Variants in CMTM8 observed in about 807,000 individuals in gnomAD.
CMTM8 encodes CKLF like MARVEL transmembrane domain containing 8, also known as CKLF-like MARVEL transmembrane domain-containing protein 8.
Under a neutral mutation model 18.6 loss-of-function variants are expected in CMTM8, and 12 were observed. The ratio of observed to expected loss-of-function variants is 0.65; its 90% CI spans 0.41 to 1.05. CMTM8 has a LOEUF of 1.05. Among genes scored for constraint, CMTM8 ranks in the 50% least tolerant of loss-of-function variants. CMTM8 has a pLI of 0.00. For missense variants in CMTM8, 217 were observed against 227.2 expected, an observed-to-expected ratio of 0.95 and a Z score of 0.29; for synonymous variants, 87 against 90.6, an observed-to-expected ratio of 0.96 and a Z score of 0.23.
intron 1 of CMTM8, among the ~76,000 whole-genome samples, chr3:32,252,945 T>C (rs1249794306): frequency 4.6e-5 from 7 of 152,318 alleles, no homozygotes; most frequent in African/African-American, 1.7e-4. Context: ...AAGTTAACTG[T>C]GTACCCTTTT....
chr3:32,337,850 C>G (rs1696416109), intron 1 of CMTM8, among the ~76,000 whole-genome samples: 1 of 152,130 alleles, frequency 6.6e-6, no homozygotes, highest in African/African-American at 2.4e-5. Flanking sequence ...CCAAGTCCAG[C>G]CAGAACACAG....
At chr3:32,347,486 C>T (rs1439387358) in intron 1 of CMTM8, among the ~76,000 whole-genome samples, 1 of 143,278 alleles carries the variant, frequency 7.0e-6, no homozygotes, top group East Asian at 2.1e-4. Context: ...TAGGTCCAGC[C>T]GGGCAGGGCT....
At chr3:32,348,579 G>T (rs79164496) in intron 1 of CMTM8, among the ~76,000 whole-genome samples, 11,126 of 128,196 alleles carry the variant, frequency 0.087, 536 homozygotes, top group East Asian at 0.21. Flanking sequence ...GCTCACTACA[G>T]CCTTGACCTC....
intron 1 of CMTM8, among the ~76,000 whole-genome samples, chr3:32,249,412 AAAGT>A (rs2125530302): frequency 6.6e-6 from 1 of 151,604 alleles, no homozygotes; most frequent in East Asian, 1.9e-4. Flanking sequence ...CCTGGGTGAC[AAAGT>A]AAGATCCTAC....
chr3:32,314,014 C>G (rs935976872), intron 1 of CMTM8, among the ~76,000 whole-genome samples: 10 of 152,082 alleles, frequency 6.6e-5, no homozygotes, highest in African/African-American at 2.4e-4. Context: ...ATCTGGATGC[C>G]AGTACTCTCT....
chr3:32,248,135 G>A lies in CMTM8; in HGVS notation c.147+9016G>A, dbSNP rs562074826. ...TGATGGAGTTTATAATAGGTACTTC[G>A]TGTTCATGTTTTAATATCTGAATCA... On this transcript the variant is annotated intron_variant, in intron 1 of 3. Coordinates refer to ENST00000307526, the MANE Select transcript of CMTM8 (RefSeq NM_178868.5). 5.3e-5 allele frequency among the ~76,000 whole-genome samples: 8 copies of A among 152,208 alleles called. No homozygotes were observed. The East Asian group carries it at 5.8e-4, about 11-fold the overall frequency.
At chr3:32,256,588 C>T (rs957290036) in intron 1 of CMTM8, among the ~76,000 whole-genome samples, 2 of 152,166 alleles carry the variant, frequency 1.3e-5, no homozygotes, top group African/African-American at 4.8e-5. Flanking sequence ...GTGTTATATA[C>T]AGGAGAAATG....
chr3:32,344,664 G>A (rs561407019), intron 1 of CMTM8, among the ~76,000 whole-genome samples: 1 of 152,302 alleles, frequency 6.6e-6, no homozygotes, highest in South Asian at 2.1e-4. Flanking sequence ...GAAGGCTGAG[G>A]CAGTAGGATC....
chr3:32,333,777 T>C (rs760257976), intron 1 of CMTM8, among the ~76,000 whole-genome samples: 3 of 152,116 alleles, frequency 2.0e-5, no homozygotes, highest in Non-Finnish European at 4.4e-5. Flanking sequence ...GTGCTGGCTC[T>C]GATGATGGAT....
chr3:32,357,658 C>T (rs1696842839), intron 2 of CMTM8, 112 bp downstream of exon 2: 1 of 1,054,314 alleles, frequency 9.5e-7, no homozygotes, highest in Non-Finnish European at 1.4e-6. Context: ...GGGGCCATAC[C>T]ATGGAGAACT....
intron 1 of CMTM8, among the ~76,000 whole-genome samples, chr3:32,339,656 A>T (rs1005674219): frequency 6.6e-6 from 1 of 152,138 alleles, no homozygotes; most frequent in Non-Finnish European, 1.5e-5. Context: ...TATTAAACAT[A>T]CTTCAGTAAG....
At chr3:32,303,834 T>A (rs1018012525) in intron 1 of CMTM8, among the ~76,000 whole-genome samples, 3 of 152,230 alleles carry the variant, frequency 2.0e-5, no homozygotes, top group African/African-American at 7.2e-5. Flanking sequence ...CTGACATTTA[T>A]TCCCTAGGTA....
intron 1 of CMTM8, among the ~76,000 whole-genome samples, chr3:32,263,612 C>T (rs1559364570): frequency 1.3e-5 from 2 of 152,130 alleles, no homozygotes; most frequent in East Asian, 1.9e-4. Flanking sequence ...ATGGCTTTGA[C>T]GAGTTGAGAG....
intron 1 of CMTM8, among the ~76,000 whole-genome samples, chr3:32,326,608 C>T (rs1469307553): frequency 6.6e-6 from 1 of 150,720 alleles, no homozygotes; most frequent in East Asian, 1.9e-4. Context: ...CCTCTGCCTT[C>T]CAGGTTCAGA....
chr3:32,301,837 C>T (rs1468745931), intron 1 of CMTM8, among the ~76,000 whole-genome samples: 5 of 152,150 alleles, frequency 3.3e-5, no homozygotes, highest in South Asian at 4.2e-4. Flanking sequence ...GTTTCCATTT[C>T]GAGTCTGGCT....
At chr3:32,274,498 CT>C (rs1335292261) in intron 1 of CMTM8, among the ~76,000 whole-genome samples, 1 of 152,020 alleles carries the variant, frequency 6.6e-6, no homozygotes, top group African/African-American at 2.4e-5. Context: ...TGTAAATATC[CT>C]GCTTCATCCT....
At chr3:32,367,786 A>C in intron 2 of CMTM8, 86 bp from the exon 3 acceptor site, 1 of 844,550 alleles carries the variant, frequency 1.2e-6, no homozygotes, top group Non-Finnish European at 1.9e-6. Context: ...TCCCCACACC[A>C]GAGGTACAGC....
chr3:32,353,249 C>T (rs57219476), intron 1 of CMTM8, among the ~76,000 whole-genome samples: 3 of 152,266 alleles, frequency 2.0e-5, no homozygotes, highest in Non-Finnish European at 4.4e-5. Flanking sequence ...CTGCCTCAGC[C>T]GCCCAAAATG....
At chr3:32,354,952 G>A (rs2125597649) in intron 1 of CMTM8, among the ~76,000 whole-genome samples, 1 of 152,302 alleles carries the variant, frequency 6.6e-6, no homozygotes, top group Non-Finnish European at 1.5e-5. Flanking sequence ...TGCCACGGAT[G>A]TAAACACAAA....
Sources: allele counts gnomAD v4.1 joint callset (sites outside exome capture counted in the v4.1 genomes callset), GRCh38; gene constraint gnomAD v4.1.1; transcripts MANE v1.5; gene names NCBI Gene and HGNC (gene_info 2026-07-23, HGNC 2026-07-21).